The following MAN1B1 variants were observed in gnomAD, a reference collection of about 807,000 sequenced individuals.
The protein encoded by MAN1B1 is endoplasmic reticulum mannosyl-oligosaccharide 1,2-alpha-mannosidase.
In MAN1B1, 66 loss-of-function variants were observed where a neutral mutation model predicts 75.5. The ratio of observed to expected loss-of-function variants is 0.87; its 90% CI spans 0.72 to 1.07. The LOEUF (loss-of-function observed/expected upper bound fraction) is 1.07. MAN1B1 is among the 50% of genes least tolerant of loss of function. MAN1B1 has a pLI of 0.00. For synonymous variants in MAN1B1, 453 were observed against 382.8 expected, an observed-to-expected ratio of 1.18 and a Z score of -2.14; for missense variants, 973 against 912.5, an observed-to-expected ratio of 1.07 and a Z score of -0.85.
At chr9:137,101,836 G>T in intron 8 of MAN1B1, 164 bp downstream of exon 8, 1 of 892,418 alleles carries the variant, frequency 1.1e-6, no homozygotes, top group Non-Finnish European at 1.8e-6. Flanking sequence ...AGGCGTGGTC[G>T]GTGGTGTTAC....
At position 137,097,896 on chromosome 9, in the gene MAN1B1, C is replaced by T. The variant is rs199561708; in HGVS notation, c.689C>T (p.Thr230Ile). ...ELPSRRAEVP[T>I]KPPLPPARTQ... ...CCTTCAAGAAGAGCAGAAGTGCCCA[C>T]CAAGCCTCCCCTGCCACCGGCCAGG... is the stretch of plus-strand genomic sequence containing the variant. The change falls in exon 5 of 13, where the codon ACC (threonine) becomes ATC (isoleucine). Residue 230 changes from threonine (T) to isoleucine (I), a missense_variant. Coordinates refer to ENST00000371589, the MANE Select transcript of MAN1B1 (RefSeq NM_016219.5). 7.0e-5 allele frequency: 109 copies of T among 1,560,518 alleles called. 1 individual carries two copies. In the Admixed American group the frequency reaches 1.4e-3, roughly 21 times the overall value.
Position 137,099,651 on chromosome 9 carries a change from C to T in MAN1B1, c.731-45C>T, listed in dbSNP as rs780568611. 1.2e-5 allele frequency: 20 copies of T among 1,605,206 alleles called. No homozygotes were observed. In the African/African-American group the frequency reaches 2.7e-4, roughly 21 times the overall value. ...CTGAGGGTGTCCATCTGTGCCGACG[C>T]CAGGACCACGTCCGCCATGGCCTGT... On this transcript the variant is annotated intron_variant, in intron 5 of 12. Coordinates refer to ENST00000371589, the MANE Select transcript of MAN1B1 (RefSeq NM_016219.5).
In MAN1B1 at chr9:137,108,473, T is replaced by C. The variant is rs1345187754; in HGVS notation, c.1982T>C (p.Leu661Pro). 2 of 1,613,816 alleles carry C rather than the reference T, an allele frequency of 1.2e-6. No homozygotes were observed. The highest frequency in any genetic ancestry group is 1.1e-5 in the South Asian group (1 of 91,082). Residue 661 changes from leucine (L) to proline (P), a missense_variant, in exon 13 of 13, where the codon CTG becomes CCG. By Grantham distance (98) the Leu-to-Pro change is moderately conservative. Coordinates refer to ENST00000371589, the MANE Select transcript of MAN1B1 (RefSeq NM_016219.5). ...EPRDKMESFFLGETLKYLFLL... is the reference protein window; with the variant it reads ...EPRDKMESFFPGETLKYLFLL... ...AGGGACAAGATGGAGAGCTTCTTCCTGGGGGAGACGCTCAAGTATCTGTTC... is the reference window on the plus strand; with the variant it reads ...AGGGACAAGATGGAGAGCTTCTTCCCGGGGGAGACGCTCAAGTATCTGTTC...
At chr9:137,094,495 T>C (rs548285245) in intron 3 of MAN1B1, 9 of 334,710 alleles carry the variant, frequency 2.7e-5, no homozygotes, top group South Asian at 2.2e-4. Context: ...ATCCCAGCAC[T>C]TTGAGAGGCC....
At chr9:137,103,831 C>T (rs965933914) in intron 8 of MAN1B1, 104 of 436,120 alleles carry the variant, frequency 2.4e-4, no homozygotes, top group Non-Finnish European at 4.3e-4. Flanking sequence ...GCTTGCAGGT[C>T]GGTGGTGTTA....
chr9:137,105,247 C>T (rs1029773407), intron 8 of MAN1B1: 1 of 152,870 alleles, frequency 6.5e-6, no homozygotes, highest in Non-Finnish European at 1.5e-5. Context: ...TATTTGGCCT[C>T]ATGTTCGAGT....
At position 137,106,257 on chromosome 9, in the gene MAN1B1, G is replaced by C. The variant is rs368901674; in HGVS notation, c.1387G>C (p.Asp463His). 6.3e-7 allele frequency: 1 copy of C among 1,577,846 alleles called. No homozygotes were observed. The highest frequency in any genetic ancestry group is 8.6e-7 in the Non-Finnish European group (1 of 1,162,028). ...CGTATTCACGCTGGGCGCCAGGGCC[G>C]ACAGCTACTATGAGTACCTGCTGAA... ...LGVFTLGARA[D>H]SYYEYLLKQW... is the part of the protein sequence containing the mutation. The change falls in exon 9 of 13, where the codon GAC becomes CAC. Residue 463 changes from aspartate (D) to histidine (H), a missense_variant. Physicochemically the swap from Asp to His is moderately conservative, Grantham distance 81. Coordinates refer to ENST00000371589, the MANE Select transcript of MAN1B1 (RefSeq NM_016219.5).
At chr9:137,102,070 C>G (rs1830837127) in intron 8 of MAN1B1, 1 of 435,950 alleles carries the variant, frequency 2.3e-6, no homozygotes, top group Non-Finnish European at 4.4e-6. Context: ...TGCAGGAGTA[C>G]AGGTCGGTGG....
intron 4 of MAN1B1, among the ~76,000 whole-genome samples, chr9:137,096,799 T>A (rs1011649985): frequency 2.0e-5 from 3 of 152,236 alleles, no homozygotes; most frequent in African/African-American, 7.2e-5. Flanking sequence ...TCTGCCCGGT[T>A]CGTCAAGTCC....
chr9:137,097,158 A>G (rs777879676), intron 4 of MAN1B1, among the ~76,000 whole-genome samples: 1 of 152,236 alleles, frequency 6.6e-6, no homozygotes, highest in Non-Finnish European at 1.5e-5. Context: ...TAGCGTTGGC[A>G]TGAATGCAAG....
chr9:137,088,814 A>G (rs1830446215), intron 2 of MAN1B1, 55 bp from the exon 3 acceptor site: 2 of 1,602,642 alleles, frequency 1.2e-6, no homozygotes, highest in East Asian at 4.5e-5. Context: ...AAAGCAGTTT[A>G]AATCTCTTGT....
intron 3 of MAN1B1, chr9:137,089,254 G>A: frequency 1.9e-6 from 1 of 536,642 alleles, no homozygotes; most frequent in Non-Finnish European, 3.4e-6. Context: ...AGACAGACCT[G>A]TTTCCTCTCA....
intron 12 of MAN1B1, 23 bp from the exon 13 acceptor site, chr9:137,108,365 A>G: frequency 6.2e-7 from 1 of 1,608,616 alleles, no homozygotes; most frequent in Non-Finnish European, 8.5e-7. Flanking sequence ...CCGTGTGGTG[A>G]CGAGGCCCTG....
At chr9:137,102,978 G>A (rs1182319049) in intron 8 of MAN1B1, 15 of 256,888 alleles carry the variant, frequency 5.8e-5, no homozygotes, top group African/African-American at 1.0e-4. Context: ...TTGCAGGCGT[G>A]CAGGTCGGTG....
At chr9:137,095,784 C>A (rs535996662) in intron 3 of MAN1B1, among the ~76,000 whole-genome samples, 1 of 152,242 alleles carries the variant, frequency 6.6e-6, no homozygotes, top group Non-Finnish European at 1.5e-5. Context: ...GGCTAGAAGG[C>A]CCGCATCACA....
At position 137,106,227 on chromosome 9, in the gene MAN1B1, C is replaced by T. The variant is rs749489543; in HGVS notation, c.1357C>T (p.Leu453=). The T allele has an allele frequency of 1.2e-6, 2 of 1,606,954 alleles. No homozygotes were observed. Among genetic ancestry groups the T allele is most frequent in the South Asian group, 1.1e-5 (1 of 89,772 alleles). The part of the protein sequence containing the change: ...INTHSGLFTH[L]GVFTLGARAD... ...TACCCACAGTGGCCTCTTCACCCACCTGGGCGTATTCACGCTGGGCGCCAG... is the reference window on the plus strand; with the variant it reads ...TACCCACAGTGGCCTCTTCACCCACTTGGGCGTATTCACGCTGGGCGCCAG... The change falls in exon 9 of 13, where the codon CTG becomes TTG. Residue 453 remains leucine, a synonymous_variant. Coordinates refer to ENST00000371589, the MANE Select transcript of MAN1B1 (RefSeq NM_016219.5).
At chr9:137,100,495 C>T (rs9411307) in intron 6 of MAN1B1, among the ~76,000 whole-genome samples, 67,503 of 151,954 alleles carry the variant, frequency 0.44, 15,512 homozygotes, top group East Asian at 0.67. Context: ...GGAACGATAA[C>T]GCCCCAGACA....
In MAN1B1 at chr9:137,108,962, C is replaced by G; in HGVS notation, c.*371C>G. Reference sequence around the variant, plus strand: ...CCCAGGGTGCAGCTCTGCCCGGGCTCGTGAAGCCTCAGATGTCCCCAATCC... The same window carrying G: ...CCCAGGGTGCAGCTCTGCCCGGGCTGGTGAAGCCTCAGATGTCCCCAATCC... On this transcript the variant is annotated 3_prime_UTR_variant, in exon 13 of 13. Transcript: ENST00000371589. 1 of 472,986 alleles carries G rather than the reference C, an allele frequency of 2.1e-6. No individual in the cohort carries two copies. The highest frequency in any genetic ancestry group is 4.2e-6 in the Non-Finnish European group (1 of 238,346). 29.3% of individuals were successfully genotyped at this position (472,986 alleles called of 1,614,324 possible). A position where few individuals can be genotyped will look rare whatever the true frequency, so the allele number is the denominator to read the frequency against.
At chr9:137,107,793 G>A in intron 12 of MAN1B1, 131 bp downstream of exon 12, 1 of 1,357,958 alleles carries the variant, frequency 7.4e-7, no homozygotes, top group Non-Finnish European at 1.0e-6. Context: ...GCTTGCCGCA[G>A]CCTCGGGGTG....
Sources: allele counts gnomAD v4.1 joint callset (sites outside exome capture counted in the v4.1 genomes callset), GRCh38; gene constraint gnomAD v4.1.1; transcripts MANE v1.5; gene names NCBI Gene and HGNC (gene_info 2026-07-23, HGNC 2026-07-21).